RBFOX1: variants seen among roughly 807,000 people sequenced by gnomAD.
RBFOX1 encodes RNA binding protein fox-1 homolog 1.
RBFOX1 carries 8 observed loss-of-function variants against 57.7 expected under a neutral mutation model. That is an observed-to-expected ratio of 0.14 (90% CI 0.08 to 0.25). The LOEUF (loss-of-function observed/expected upper bound fraction) is 0.25. RBFOX1 is among the 10% of genes least tolerant of loss of function. RBFOX1 has a pLI of 1.00. For synonymous variants in RBFOX1, 326 were observed against 222.4 expected (o/e 1.47, Z -4.15); for missense variants, 611 against 548.5 (o/e 1.11, Z -1.14).
chr16:7,076,732 T>G (rs1348880354), intron 4 of RBFOX1, among the ~76,000 whole-genome samples: 2 of 152,222 alleles, frequency 1.3e-5, no homozygotes, highest in Non-Finnish European at 2.9e-5. Flanking sequence ...AGATGTTCAC[T>G]CGTAACAGTG....
intron 1 of RBFOX1, among the ~76,000 whole-genome samples, chr16:5,306,701 G>A (rs770924468): frequency 1.3e-5 from 2 of 152,274 alleles, no homozygotes; most frequent in South Asian, 2.1e-4. Flanking sequence ...GGTTGCTTCC[G>A]AGAGAGCACG....
chr16:6,995,294 GT>G lies in RBFOX1; in HGVS notation c.-15-56762del, dbSNP rs2092088966. Among the ~76,000 whole-genome samples, 5 of 111,230 alleles carry G rather than the reference GT, an allele frequency of 4.5e-5. No homozygotes were observed. In the South Asian group the frequency reaches 1.7e-3, roughly 37 times the overall value. The allele number at this position is 111,230 out of a possible 152,430, so 73.0% of individuals were successfully genotyped here. On this transcript the variant is annotated intron_variant, in intron 3 of 15. Transcript: ENST00000550418. ...GACTATGATCTGAAAGTAGCCTTGT[GT>G]GTGTGTGTGTGTGTGTGTGTGTGTG...
At chr16:5,554,400 T>C (rs1451778203) in intron 2 of RBFOX1, among the ~76,000 whole-genome samples, 2 of 152,104 alleles carry the variant, frequency 1.3e-5, no homozygotes, top group African/African-American at 4.8e-5. Flanking sequence ...AATAAAAAAA[T>C]TAAAATTATT....
chr16:6,012,889 A>G (rs756393394), intron 4 of RBFOX1, among the ~76,000 whole-genome samples: 2 of 152,202 alleles, frequency 1.3e-5, no homozygotes, highest in Non-Finnish European at 2.9e-5. Context: ...GATAAAGGAA[A>G]TGTTTCCTAA....
intron 4 of RBFOX1, among the ~76,000 whole-genome samples, chr16:7,180,452 T>C (rs2082478290): frequency 6.6e-6 from 1 of 152,124 alleles, no homozygotes; most frequent in African/African-American, 2.4e-5. Flanking sequence ...CCCTACATTC[T>C]ACAGACGTGT....
At chr16:6,693,205 CCAT>C (rs1480415738) in intron 3 of RBFOX1, among the ~76,000 whole-genome samples, 9 of 151,592 alleles carry the variant, frequency 5.9e-5, no homozygotes, top group East Asian at 2.0e-4. Context: ...ACCATCACCA[CCAT>C]CATCATCACC....
At position 6,111,317 on chromosome 16, in the gene RBFOX1, A is replaced by G. The variant is rs188917099; in HGVS notation, c.-127+91325A>G. 1.0e-3 allele frequency among the ~76,000 whole-genome samples: 153 copies of G among 152,296 alleles called. 2 individuals are homozygous for G. Among genetic ancestry groups the G allele is most frequent in the African/African-American group, 3.3e-3 (137 of 41,548 alleles). On this transcript the variant is annotated intron_variant, in intron 1 of 15. Transcript: ENST00000550418. Reference sequence around the variant, plus strand: ...GACAACCACTCTGTCTCAAGACTCAATCAGCTATCTTGTTAGAACTAGTTT... The same window carrying G: ...GACAACCACTCTGTCTCAAGACTCAGTCAGCTATCTTGTTAGAACTAGTTT...
At chr16:6,159,232 A>C (rs1298297036) in intron 1 of RBFOX1, among the ~76,000 whole-genome samples, 2 of 151,888 alleles carry the variant, frequency 1.3e-5, no homozygotes, top group African/African-American at 4.8e-5. Context: ...GCACACCACC[A>C]CACCCAGCTA....
chr16:6,400,462 A>G (rs2109457), intron 2 of RBFOX1, among the ~76,000 whole-genome samples: 3 of 152,018 alleles, frequency 2.0e-5, no homozygotes, highest in Non-Finnish European at 4.4e-5. Flanking sequence ...GTATAGCTAT[A>G]GATGCTGTAA....
At chr16:7,038,594 C>A (rs900407464) in intron 3 of RBFOX1, among the ~76,000 whole-genome samples, 1 of 152,144 alleles carries the variant, frequency 6.6e-6, no homozygotes, top group Non-Finnish European at 1.5e-5. Flanking sequence ...ATGTGTCAGA[C>A]CAGCCAGGCT....
At chr16:5,798,459 A>G (rs1479100516) in intron 3 of RBFOX1, among the ~76,000 whole-genome samples, 1 of 152,156 alleles carries the variant, frequency 6.6e-6, no homozygotes, top group African/African-American at 2.4e-5. Flanking sequence ...AGGATATGGG[A>G]CTTCCAGGTA....
chr16:5,856,890 C>T (rs918612515), intron 3 of RBFOX1, among the ~76,000 whole-genome samples: 1 of 152,014 alleles, frequency 6.6e-6, no homozygotes, highest in Admixed American at 6.6e-5. Flanking sequence ...AAGGCTGTTT[C>T]ACTTTCTTAT....
chr16:5,823,487 T>A (rs1172691846), intron 3 of RBFOX1, among the ~76,000 whole-genome samples: 3 of 152,146 alleles, frequency 2.0e-5, no homozygotes, highest in Admixed American at 6.5e-5. Flanking sequence ...CCTCTATGGC[T>A]GGGGTCCCCA....
In RBFOX1 at chr16:5,727,419, C is replaced by A. The variant is rs147349726; in HGVS notation, c.318+128458C>A. 1.4e-4 allele frequency among the ~76,000 whole-genome samples: 21 copies of A among 152,112 alleles called. 1 individual carries two copies. Among genetic ancestry groups the A allele is most frequent in the Admixed American group, 1.1e-3 (17 of 15,278 alleles). Reference sequence around the variant, plus strand: ...GTGTACGATGTGATGCTCTGATGTACGTATATACTGTGAAACGCTCACCAC... The same window carrying A: ...GTGTACGATGTGATGCTCTGATGTAAGTATATACTGTGAAACGCTCACCAC... On this transcript the variant is annotated intron_variant, in intron 3 of 19. Coordinates refer to the RBFOX1 transcript ENST00000641259.
chr16:6,698,353 A>C (rs1208894569), intron 3 of RBFOX1, among the ~76,000 whole-genome samples: 1 of 152,162 alleles, frequency 6.6e-6, no homozygotes, highest in Non-Finnish European at 1.5e-5. Flanking sequence ...ATTGATCTTC[A>C]AGTGCAAATT....
chr16:6,297,008 A>G (rs761915957), intron 1 of RBFOX1, among the ~76,000 whole-genome samples: 19 of 152,276 alleles, frequency 1.2e-4, no homozygotes, highest in African/African-American at 4.3e-4. Context: ...TCTTGATGAT[A>G]TGTTAAACAA....
intron 3 of RBFOX1, among the ~76,000 whole-genome samples, chr16:6,914,553 A>G (rs553980617): frequency 7.3e-6 from 1 of 137,160 alleles, no homozygotes; most frequent in South Asian, 2.2e-4. Flanking sequence ...GCTCCAGAAG[A>G]AAACAAAAAT....
intron 1 of RBFOX1, among the ~76,000 whole-genome samples, chr16:5,419,255 C>T (rs571914050): frequency 1.2e-4 from 19 of 152,214 alleles, no homozygotes; most frequent in South Asian, 1.2e-3. Context: ...AAGTGGTAGA[C>T]GGCCATAGTA....
At chr16:5,282,162 C>G (rs1156909803) in intron 1 of RBFOX1, among the ~76,000 whole-genome samples, 2 of 152,198 alleles carry the variant, frequency 1.3e-5, no homozygotes, top group African/African-American at 2.4e-5. Flanking sequence ...TTTCCCTGCT[C>G]AAGCTCTCTC....
Sources: allele counts gnomAD v4.1 joint callset (sites outside exome capture counted in the v4.1 genomes callset), GRCh38; gene constraint gnomAD v4.1.1; transcripts MANE v1.5; gene names NCBI Gene and HGNC (gene_info 2026-07-23, HGNC 2026-07-21).